Variants in CNBD1 observed in about 807,000 individuals in gnomAD.
CNBD1 encodes cyclic nucleotide-binding domain-containing protein 1.
Under a neutral mutation model 54.4 loss-of-function variants are expected in CNBD1, and 71 were observed. The observed-to-expected ratio is 1.30, with a 90% CI of 1.08 to 1.59. The LOEUF (loss-of-function observed/expected upper bound fraction) is 1.59. Ranked by LOEUF, CNBD1 falls within the 40% of genes most tolerant of loss-of-function variation. CNBD1 has a pLI of 0.00. For missense variants in CNBD1, 659 were observed against 518.0 expected, an observed-to-expected ratio of 1.27 and a Z score of -2.64; for synonymous variants, 182 against 170.7, an observed-to-expected ratio of 1.07 and a Z score of -0.51.
At chr8:87,256,015 A>ATATATACATAT (rs1563526157) in intron 6 of CNBD1, among the ~76,000 whole-genome samples, 1 of 15,786 alleles carries the variant, frequency 6.3e-5, no homozygotes, top group Non-Finnish European at 1.0e-4. Context: ...ATATATATAT[A>ATATATACATAT]TTTTTTTTTT....
At chr8:87,290,074 C>G (rs182039700) in intron 8 of CNBD1, among the ~76,000 whole-genome samples, 1 of 152,160 alleles carries the variant, frequency 6.6e-6, no homozygotes, top group East Asian at 1.9e-4. Context: ...TTCAATTTAG[C>G]AGAATCTACT....
At chr8:86,943,637 C>T (rs1257258431) in intron 4 of CNBD1, among the ~76,000 whole-genome samples, 1 of 151,948 alleles carries the variant, frequency 6.6e-6, no homozygotes, top group Non-Finnish European at 1.5e-5. Flanking sequence ...ACTAAACAGA[C>T]AGTGGGAGGG....
chr8:87,329,285 A>G (rs1809761762), intron 8 of CNBD1, among the ~76,000 whole-genome samples: 1 of 152,096 alleles, frequency 6.6e-6, no homozygotes, highest in South Asian at 2.1e-4. Context: ...TTTTGTTAAT[A>G]TCACATTGTC....
chr8:87,067,262 G>A (rs75634021), intron 4 of CNBD1, among the ~76,000 whole-genome samples: 166 of 151,890 alleles, frequency 1.1e-3, no homozygotes, highest in Non-Finnish European at 1.9e-3. Flanking sequence ...AATAAACTTG[G>A]AAAAAAGTTG....
chr8:86,963,004 C>T (rs972239008), intron 4 of CNBD1, among the ~76,000 whole-genome samples: 2 of 152,090 alleles, frequency 1.3e-5, no homozygotes, highest in African/African-American at 4.8e-5. Flanking sequence ...GGAGTGCAGG[C>T]TGAAAATGAT....
At chr8:87,234,113 A>G (rs979270810) in intron 5 of CNBD1, among the ~76,000 whole-genome samples, 1 of 152,248 alleles carries the variant, frequency 6.6e-6, no homozygotes, top group South Asian at 2.1e-4. Flanking sequence ...TCTGTAAGTA[A>G]GCTCTACTTT....
intron 8 of CNBD1, among the ~76,000 whole-genome samples, chr8:87,326,425 T>G (rs934816156): frequency 7.9e-6 from 1 of 126,968 alleles, no homozygotes; most frequent in Non-Finnish European, 1.8e-5. Context: ...ATTCTCCCCA[T>G]CACTTTCAGG....
At chr8:86,956,757 C>A (rs1167650168) in intron 4 of CNBD1, among the ~76,000 whole-genome samples, 1 of 152,160 alleles carries the variant, frequency 6.6e-6, no homozygotes, top group Non-Finnish European at 1.5e-5. Flanking sequence ...TATAAATATA[C>A]AATCATGTCA....
chr8:86,954,872 T>A (rs1171079956), intron 4 of CNBD1, among the ~76,000 whole-genome samples: 1 of 152,330 alleles, frequency 6.6e-6, no homozygotes, highest in East Asian at 1.9e-4. Flanking sequence ...ATAGGGTACA[T>A]GTGCACAACG....
intron 4 of CNBD1, among the ~76,000 whole-genome samples, chr8:86,958,817 A>C (rs1161249286): frequency 6.6e-6 from 1 of 152,168 alleles, no homozygotes; most frequent in Non-Finnish European, 1.5e-5. Flanking sequence ...TGGAGCATTT[A>C]GCCCATTTAC....
At chr8:87,422,231 T>A (rs910996429) in intron 2 of CNBD1, among the ~76,000 whole-genome samples, 1 of 146,972 alleles carries the variant, frequency 6.8e-6, no homozygotes, top group Non-Finnish European at 1.5e-5. Context: ...GGTTGCCTGT[T>A]CACTCTGATG....
chr8:87,396,632 G>A (rs1811412477), intron 2 of CNBD1, among the ~76,000 whole-genome samples: 1 of 151,406 alleles, frequency 6.6e-6, no homozygotes, highest in South Asian at 2.1e-4. Flanking sequence ...TTCATTTCCA[G>A]TTCTACTATA....
At chr8:87,396,146 A>G (rs1384682766) in intron 2 of CNBD1, among the ~76,000 whole-genome samples, 6 of 151,946 alleles carry the variant, frequency 3.9e-5, no homozygotes, top group Admixed American at 3.3e-4. Flanking sequence ...AAGAGGAAAT[A>G]TTTGAGGAAG....
chr8:87,073,897 T>C (rs1408023786), intron 4 of CNBD1, among the ~76,000 whole-genome samples: 1 of 151,862 alleles, frequency 6.6e-6, no homozygotes, highest in East Asian at 1.9e-4. Context: ...GTCAGGAGAT[T>C]GAGACCATCC....
At chr8:86,891,769 A>T (rs72663124) in intron 2 of CNBD1, among the ~76,000 whole-genome samples, 6 of 151,994 alleles carry the variant, frequency 3.9e-5, no homozygotes, top group Non-Finnish European at 8.8e-5. Flanking sequence ...GTGTTTCAGT[A>T]TACAGATCTT....
At chr8:87,414,127 G>A (rs1453067960) in intron 2 of CNBD1, among the ~76,000 whole-genome samples, 3 of 152,000 alleles carry the variant, frequency 2.0e-5, no homozygotes, top group Non-Finnish European at 2.9e-5. Context: ...CAACCCAAAT[G>A]TCCAACAATG....
chr8:86,966,662 C>T (rs1275835290), intron 4 of CNBD1, among the ~76,000 whole-genome samples: 2 of 151,942 alleles, frequency 1.3e-5, no homozygotes, highest in African/African-American at 2.4e-5. Flanking sequence ...TTAAAGGTGG[C>T]GCGTCTGGAG....
chr8:87,399,531 G>A (rs952654647), intron 2 of CNBD1, among the ~76,000 whole-genome samples: 1 of 152,014 alleles, frequency 6.6e-6, no homozygotes. Context: ...AGCACTTACA[G>A]TCTGAGTTAT....
At chr8:87,217,128 A>T (rs1429607252) in intron 5 of CNBD1, among the ~76,000 whole-genome samples, 1 of 152,174 alleles carries the variant, frequency 6.6e-6, no homozygotes, top group Non-Finnish European at 1.5e-5. Flanking sequence ...TGAAAGTGAC[A>T]CCAATAAGAG....
Sources: allele counts gnomAD v4.1 joint callset (sites outside exome capture counted in the v4.1 genomes callset), GRCh38; gene constraint gnomAD v4.1.1; transcripts MANE v1.5; gene names NCBI Gene and HGNC (gene_info 2026-07-23, HGNC 2026-07-21).